DPP10: variants seen among roughly 807,000 people sequenced by gnomAD.
DPP10 encodes the protein dipeptidyl peptidase like 10.
A neutral mutation model predicts 120.9 loss-of-function variants in DPP10; 33 were observed. That is an observed-to-expected ratio of 0.27 (90% confidence interval 0.21 to 0.37). The LOEUF is 0.37. Ranked by LOEUF, DPP10 falls within the 10% of genes least tolerant of loss-of-function variation. The pLI is 1.00. For missense variants in DPP10, 816 were observed against 942.8 expected (o/e 0.87, Z 1.76); for synonymous variants, 337 against 326.1 (o/e 1.03, Z -0.36).
intron 1 of DPP10, among the ~76,000 whole-genome samples, chr2:114,820,807 G>A (rs151100727): frequency 1.3e-5 from 2 of 152,276 alleles, no homozygotes; most frequent in South Asian, 2.1e-4. Context: ...TACAACTGGC[G>A]ATGAGATTTG....
intron 3 of DPP10, among the ~76,000 whole-genome samples, chr2:115,349,658 G>C (rs2106293584): frequency 1.3e-5 from 2 of 152,090 alleles, no homozygotes; most frequent in South Asian, 4.1e-4. Flanking sequence ...TAGCCTGTAT[G>C]AAAAACAAGA....
At chr2:115,147,542 C>A (rs1033760712) in intron 1 of DPP10, among the ~76,000 whole-genome samples, 1 of 151,934 alleles carries the variant, frequency 6.6e-6, no homozygotes, top group Admixed American at 6.6e-5. Context: ...TTAGACAGTG[C>A]CTGATTCACA....
chr2:115,712,540 T>TTTTATTTA (rs778592374), intron 7 of DPP10, among the ~76,000 whole-genome samples: 1 of 18,058 alleles, frequency 5.5e-5, no homozygotes, highest in African/African-American at 1.2e-4. Flanking sequence ...GAGTCCTGAA[T>TTTTATTTA]TAAATATATA....
At chr2:114,799,228 C>CT (rs1683979736) in intron 1 of DPP10, among the ~76,000 whole-genome samples, 7 of 152,018 alleles carry the variant, frequency 4.6e-5, no homozygotes, top group Non-Finnish European at 1.0e-4. Context: ...ATTATCTCTC[C>CT]TTCCTAAAGT....
intron 1 of DPP10, among the ~76,000 whole-genome samples, chr2:115,194,955 C>T (rs1051362430): frequency 4.6e-5 from 7 of 152,114 alleles, no homozygotes; most frequent in Non-Finnish European, 1.0e-4. Flanking sequence ...GGAGAGAAAT[C>T]GTGGCGGTGA....
intron 1 of DPP10, among the ~76,000 whole-genome samples, chr2:114,940,504 G>C (rs1308071488): frequency 6.6e-6 from 1 of 150,848 alleles, no homozygotes; most frequent in African/African-American, 2.4e-5. Flanking sequence ...AGTTAGTGTT[G>C]TGACAATCAG....
At chr2:115,187,171 C>T (rs7591090) in intron 1 of DPP10, among the ~76,000 whole-genome samples, 11 of 148,394 alleles carry the variant, frequency 7.4e-5, no homozygotes, top group South Asian at 2.2e-4. Context: ...TGAGTAGCTG[C>T]GACTACAGGC....
chr2:114,614,238 T>C (rs190487470), intron 1 of DPP10, among the ~76,000 whole-genome samples: 6 of 152,292 alleles, frequency 3.9e-5, no homozygotes, highest in South Asian at 4.1e-4. Context: ...TTTTTGCAGG[T>C]CTTTCAAAAT....
chr2:115,577,203 G>A (rs772354129), intron 5 of DPP10, among the ~76,000 whole-genome samples: 1 of 152,178 alleles, frequency 6.6e-6, no homozygotes, highest in Non-Finnish European at 1.5e-5. Flanking sequence ...CCTAAGGATA[G>A]TCAGTCTAGA....
chr2:115,046,970 C>A (rs1307806798), intron 1 of DPP10, among the ~76,000 whole-genome samples: 2 of 152,004 alleles, frequency 1.3e-5, no homozygotes, highest in East Asian at 3.9e-4. Flanking sequence ...TAAGCTTCAT[C>A]TGGTACATAT....
chr2:115,111,034 C>A (rs1406984341), intron 1 of DPP10, among the ~76,000 whole-genome samples: 1 of 152,040 alleles, frequency 6.6e-6, no homozygotes, highest in Admixed American at 6.6e-5. Context: ...TGTGAATATG[C>A]AAACCAAATA....
At chr2:115,104,406 A>C (rs1227789079) in intron 1 of DPP10, among the ~76,000 whole-genome samples, 1 of 152,052 alleles carries the variant, frequency 6.6e-6, no homozygotes, top group South Asian at 2.1e-4. Context: ...TATTACTTAC[A>C]TCCATGAAAA....
At chr2:115,322,475 G>A (rs1472684551) in intron 2 of DPP10, among the ~76,000 whole-genome samples, 2 of 152,114 alleles carry the variant, frequency 1.3e-5, no homozygotes, top group Non-Finnish European at 2.9e-5. Context: ...TTAGCTCTGT[G>A]TTTCACACTT....
At chr2:115,288,743 A>G (rs1163403750) in intron 1 of DPP10, among the ~76,000 whole-genome samples, 1 of 152,072 alleles carries the variant, frequency 6.6e-6, no homozygotes, top group Non-Finnish European at 1.5e-5. Context: ...AAGAAAAGAA[A>G]GAAAAGAAAC....
intron 7 of DPP10, among the ~76,000 whole-genome samples, chr2:115,694,799 A>G (rs2091493253): frequency 1.3e-5 from 2 of 152,316 alleles, no homozygotes; most frequent in African/African-American, 4.8e-5. Context: ...CTCTTAGCTC[A>G]GAAGCAGCTA....
chr2:115,732,244 G>T (rs1158465626), intron 8 of DPP10, among the ~76,000 whole-genome samples: 2 of 152,242 alleles, frequency 1.3e-5, no homozygotes, highest in East Asian at 3.9e-4. Flanking sequence ...AAAGATGAGA[G>T]AAAGAGTGAC....
At chr2:115,516,489 G>A (rs1273242677) in intron 4 of DPP10, among the ~76,000 whole-genome samples, 3 of 150,918 alleles carry the variant, frequency 2.0e-5, no homozygotes, top group South Asian at 2.1e-4. Flanking sequence ...TAGGAGTCCC[G>A]AACAGGAGGT....
intron 1 of DPP10, among the ~76,000 whole-genome samples, chr2:115,005,307 C>T (rs1034720982): frequency 7.2e-5 from 11 of 152,202 alleles, no homozygotes; most frequent in South Asian, 4.1e-4. Flanking sequence ...AAAATCAGAG[C>T]GCCTCTCCTC....
intron 1 of DPP10, among the ~76,000 whole-genome samples, chr2:114,559,578 C>A (rs1688588384): frequency 6.6e-6 from 1 of 152,100 alleles, no homozygotes; most frequent in Non-Finnish European, 1.5e-5. Flanking sequence ...ACACTTAGTT[C>A]CTCACATTGA....
Sources: allele counts gnomAD v4.1 joint callset (sites outside exome capture counted in the v4.1 genomes callset), GRCh38; gene constraint gnomAD v4.1.1; transcripts MANE v1.5; gene names NCBI Gene and HGNC (gene_info 2026-07-23, HGNC 2026-07-21).